The following CCDC70 variants were observed in gnomAD, a reference collection of about 807,000 sequenced individuals.
The protein encoded by CCDC70 is coiled-coil domain containing 70.
CCDC70 carries 4 observed loss-of-function variants against 9.1 expected under a neutral mutation model. The observed-to-expected ratio is 0.44, with a 90% CI of 0.22 to 1.00. The LOEUF is 1.00. Ranked by LOEUF, CCDC70 falls within the 50% of genes least tolerant of loss-of-function variation. The pLI, the probability that CCDC70 is intolerant of heterozygous loss-of-function variation, is 0.25. For missense variants in CCDC70, 308 were observed against 271.3 expected (o/e 1.14, Z -0.95); for synonymous variants, 119 against 94.0 (o/e 1.27, Z -1.54).
At position 51,865,552 on chromosome 13, in the gene CCDC70, T is replaced by C; in HGVS notation, c.141T>C (p.Phe47=). ...CTTTTCGCGAAGAGATGAAAATTTT[T>C]CGTGAAAAAATAGAGGACTTCAGGG... The part of the protein sequence containing the change: ...EKAFREEMKI[F]REKIEDFREE... The change falls in exon 2 of 2, where the codon TTT becomes TTC. Residue 47 remains phenylalanine, a synonymous_variant. Transcript: ENST00000242819. The C allele has an allele frequency of 6.2e-7, 1 of 1,614,176 alleles. No homozygotes were observed. The highest frequency in any genetic ancestry group is 8.5e-7 in the Non-Finnish European group (1 of 1,180,026).
intron 1 of CCDC70, among the ~76,000 whole-genome samples, chr13:51,863,187 G>A (rs531691948): frequency 1.3e-5 from 2 of 152,354 alleles, no homozygotes; most frequent in Admixed American, 6.5e-5. Context: ...AATAGAGCCC[G>A]TTAATACTGG....
Position 51,865,737 on chromosome 13 carries a change from C to T in CCDC70, c.326C>T (p.Thr109Ile), listed in dbSNP as rs1956417545. 6.2e-7 allele frequency: 1 copy of T among 1,613,950 alleles called. No individual in the cohort carries two copies. Among genetic ancestry groups the T allele is most frequent in the African/African-American group, 1.3e-5 (1 of 74,880 alleles). Residue 109 changes from threonine (T) to isoleucine (I), a missense_variant, in exon 2 of 2, where the codon ACT (threonine) becomes ATT (isoleucine). Physicochemically the swap from Thr to Ile is moderately conservative, Grantham distance 89 (BLOSUM62 -1). Coordinates refer to ENST00000242819, the MANE Select transcript of CCDC70 (RefSeq NM_031290.4). ...MEKSFREEEK[T>I]FWKKYRTFWK... ...AAGTCTTTCAGGGAGGAAGAGAAAACTTTCTGGAAAAAGTACCGCACTTTC... is the reference window on the plus strand; with the variant it reads ...AAGTCTTTCAGGGAGGAAGAGAAAATTTTCTGGAAAAAGTACCGCACTTTC...
rs144343396 is a variant in CCDC70, at chr13:51,865,526, G to C, written c.115G>C (p.Ala39Pro). 2.2e-4 allele frequency: 351 copies of C among 1,614,238 alleles called. 1 individual carries two copies. The highest frequency in any genetic ancestry group is 1.5e-3 in the Middle Eastern group (9 of 6,062). ...KLMHKLQEEK[A>P]FREEMKIFRE... Reference sequence around the variant, plus strand: ...AATGCACAAGCTGCAGGAGGAAAAGGCTTTTCGCGAAGAGATGAAAATTTT... The same window carrying C: ...AATGCACAAGCTGCAGGAGGAAAAGCCTTTTCGCGAAGAGATGAAAATTTT... The change falls in exon 2 of 2, where the codon GCT becomes CCT. Residue 39 changes from alanine (A) to proline (P), a missense_variant. By Grantham distance (27) the Ala-to-Pro change is conservative. Coordinates refer to ENST00000242819, the MANE Select transcript of CCDC70 (RefSeq NM_031290.4).
chr13:51,862,353 G>C (rs1023384106), intron 1 of CCDC70, 124 bp downstream of exon 1: 1 of 152,204 alleles, frequency 6.6e-6, no homozygotes, highest in Admixed American at 6.5e-5. Flanking sequence ...TGTATCTTTA[G>C]TGCATGTTTT....
At position 51,865,317 on chromosome 13, in the gene CCDC70, C is replaced by T. The variant is rs567375639; in HGVS notation, c.-80-15C>T. 3 of 1,391,072 alleles carry T rather than the reference C, an allele frequency of 2.2e-6. No individual in the cohort carries two copies. The South Asian group carries it at 4.2e-5, about 19-fold the overall frequency. The allele number at this position is 1,391,072 out of a possible 1,614,324, so 86.2% of individuals were successfully genotyped here. On this transcript the variant is annotated splice_polypyrimidine_tract_variant and intron_variant, in intron 1 of 1. Coordinates refer to ENST00000242819, the MANE Select transcript of CCDC70 (RefSeq NM_031290.4). ...TGTGATACTCATAGATCTGTCTTTT[C>T]TGCTGCCCCCACAGGGTCTGACCAG... is the stretch of plus-strand genomic sequence containing the variant.
At chr13:51,864,728 G>T (rs890854826) in intron 1 of CCDC70, among the ~76,000 whole-genome samples, 1 of 152,120 alleles carries the variant, frequency 6.6e-6, no homozygotes. Flanking sequence ...TGGAGCTGCG[G>T]GTCATCTGGT....
At chr13:51,863,181 G>A (rs976527986) in intron 1 of CCDC70, among the ~76,000 whole-genome samples, 1 of 152,222 alleles carries the variant, frequency 6.6e-6, no homozygotes, top group Non-Finnish European at 1.5e-5. Context: ...GAGCTGAATA[G>A]AGCCCGTTAA....
chr13:51,865,276 G>A (rs146164424), intron 1 of CCDC70, 56 bp from the exon 2 acceptor site: 4 of 911,308 alleles, frequency 4.4e-6, no homozygotes, highest in East Asian at 2.5e-5. Flanking sequence ...ACAGAACCAA[G>A]GGCCGTCCCC....
In CCDC70 at chr13:51,865,967, G is replaced by A. The variant is rs773689364; in HGVS notation, c.556G>A (p.Ala186Thr). ...GAATGCCCTCTGGGAGGAAGAGAGG[G>A]CCTTCTGGATGGAGAACAATGGCCA... ...EENALWEEER[A>T]FWMENNGHIA... is the part of the protein sequence containing the mutation. Residue 186 changes from alanine (A) to threonine (T), a missense_variant, in exon 2 of 2, where the codon GCC (alanine) becomes ACC (threonine). By Grantham distance (58) the Ala-to-Thr change is moderately conservative. Transcript: ENST00000242819. 1 of 1,614,076 alleles carries A rather than the reference G, an allele frequency of 6.2e-7. No individual in the cohort carries two copies. Among genetic ancestry groups the A allele is most frequent in the South Asian group, 1.1e-5 (1 of 91,078 alleles).
At position 51,865,545 on chromosome 13, in the gene CCDC70, A is replaced by T. The variant is rs775206620; in HGVS notation, c.134A>T (p.Lys45Ile). 1.9e-6 allele frequency: 3 copies of T among 1,614,132 alleles called. No homozygotes were observed. Residue 45 changes from lysine to isoleucine, a missense_variant, in exon 2 of 2, where the codon AAA (lysine) becomes ATA (isoleucine). Physicochemically the swap from Lys to Ile is moderately radical, Grantham distance 102. Coordinates refer to ENST00000242819, the MANE Select transcript of CCDC70 (RefSeq NM_031290.4). ...QEEKAFREEM[K>I]IFREKIEDFR... ...GAAAAGGCTTTTCGCGAAGAGATGA[A>T]AATTTTTCGTGAAAAAATAGAGGAC...
In CCDC70 at chr13:51,866,038, C is replaced by T; in HGVS notation, c.627C>T (p.Asn209=). The T allele has an allele frequency of 6.2e-7, 1 of 1,603,522 alleles. No individual in the cohort carries two copies. The highest frequency in any genetic ancestry group is 1.3e-5 in the African/African-American group (1 of 74,574). ...TCGAAGATGGGCCCCACAACGCCAA[C>T]AGAGGGCAGCGCTTGCTGGCCTTCT... The part of the protein sequence containing the change: ...QMLEDGPHNA[N]RGQRLLAFSR... Residue 209 remains asparagine, a synonymous_variant, in exon 2 of 2, where the codon AAC becomes AAT. Coordinates refer to ENST00000242819, the MANE Select transcript of CCDC70 (RefSeq NM_031290.4).
chr13:51,862,208 C>T lies in CCDC70; in HGVS notation c.-102C>T, dbSNP rs1956387997. 6.6e-6 allele frequency: 1 copy of T among 152,160 alleles called. No individual in the cohort carries two copies. The allele number at this position is 152,160 out of a possible 1,614,324, so 9.4% of individuals were successfully genotyped here. ...CCCCTCTGAGGGCTACAGGACTTAC[C>T]CCAGTGGGAAGCAGCTAAGCAGTAA... is the stretch of plus-strand genomic sequence containing the variant. On this transcript the variant is annotated 5_prime_UTR_variant, in exon 1 of 2. Coordinates refer to ENST00000242819, the MANE Select transcript of CCDC70 (RefSeq NM_031290.4).
At position 51,865,867 on chromosome 13, in the gene CCDC70, G is replaced by C. The variant is rs775019172; in HGVS notation, c.456G>C (p.Leu152=). 6.2e-7 allele frequency: 1 copy of C among 1,613,414 alleles called. No homozygotes were observed. The highest frequency in any genetic ancestry group is 8.5e-7 in the Non-Finnish European group (1 of 1,179,860). The change falls in exon 2 of 2, where the codon CTG becomes CTC. Residue 152 remains leucine (L), a synonymous_variant. Coordinates refer to ENST00000242819, the MANE Select transcript of CCDC70 (RefSeq NM_031290.4). ...DKALWEEEKA[L]WVEERALLEG... ...CCCTGTGGGAGGAAGAAAAGGCCCT[G>C]TGGGTAGAGGAAAGAGCCCTCCTTG... is the stretch of plus-strand genomic sequence containing the variant.
Position 51,865,609 on chromosome 13 carries a change from T to C in CCDC70, c.198T>C (p.His66=), listed in dbSNP as rs1956415838. ...TGTGGACTTTCCGAGGCAAGATCCA[T>C]GCTTTCCGGGGCCAGATCCTGGGTT... The part of the protein sequence containing the change: ...EEMWTFRGKI[H]AFRGQILGFW... The change falls in exon 2 of 2, where the codon CAT becomes CAC. Residue 66 remains histidine, a synonymous_variant. Transcript: ENST00000242819. 2.5e-6 allele frequency: 4 copies of C among 1,614,104 alleles called. No individual in the cohort carries two copies. Among genetic ancestry groups the C allele is most frequent in the Admixed American group, 1.7e-5 (1 of 59,990 alleles).
rs780554448 is a variant in CCDC70 at position 51,865,419 on chromosome 13, C to T, written c.8C>T (p.Ser3Phe). 1 of 1,610,442 alleles carries T rather than the reference C, an allele frequency of 6.2e-7. No homozygotes were observed. Among genetic ancestry groups the T allele is most frequent in the Admixed American group, 1.7e-5 (1 of 59,150 alleles). Residue 3 changes from serine (S) to phenylalanine (F), a missense_variant, in exon 2 of 2, where the codon TCC becomes TTC. Coordinates refer to ENST00000242819, the MANE Select transcript of CCDC70 (RefSeq NM_031290.4). MF[S>F]FKVSRWMGLA... ...TTCCGGCTGATAAGGAAGATGTTTT[C>T]CTTCAAGGTGAGCAGATGGATGGGG...
At chr13:51,865,295 G>A in intron 1 of CCDC70, 37 bp from the exon 2 acceptor site, 1 of 1,130,338 alleles carries the variant, frequency 8.8e-7, no homozygotes, top group Non-Finnish European at 1.3e-6. Flanking sequence ...CCTGGCATGT[G>A]ATACTCATAG....
chr13:51,863,707 AC>A (rs370099091), intron 1 of CCDC70, among the ~76,000 whole-genome samples: 3,409 of 79,970 alleles, frequency 0.043, 57 homozygotes, highest in Admixed American at 0.086. Context: ...ACACACACAC[AC>A]ACCAGCTATG....
intron 1 of CCDC70, among the ~76,000 whole-genome samples, chr13:51,864,105 T>TTCCC (rs1425070913): frequency 6.8e-6 from 1 of 146,628 alleles, no homozygotes; most frequent in Non-Finnish European, 1.5e-5. Context: ...CCTTCCTTCC[T>TTCCC]TCCCTCCCTC....
chr13:51,863,672 G>GACACACACACAC (rs35041555), intron 1 of CCDC70, among the ~76,000 whole-genome samples: 57 of 134,388 alleles, frequency 4.2e-4, no homozygotes, highest in African/African-American at 1.5e-3. Flanking sequence ...CGCGCACACA[G>GACACACACACAC]ACACACACAC....
Sources: allele counts gnomAD v4.1 joint callset (sites outside exome capture counted in the v4.1 genomes callset), GRCh38; gene constraint gnomAD v4.1.1; transcripts MANE v1.5; gene names NCBI Gene and HGNC (gene_info 2026-07-23, HGNC 2026-07-21).